Variants in MARCHF1 observed in about 807,000 individuals in gnomAD.
MARCHF1 encodes the protein membrane associated ring-CH-type finger 1.
In MARCHF1, 40 loss-of-function variants were observed where a neutral mutation model predicts 54.2. The observed-to-expected ratio is 0.74, with a 90% CI of 0.57 to 0.96. The LOEUF (loss-of-function observed/expected upper bound fraction) is 0.96, where lower values mean the gene tolerates loss of function less well. MARCHF1 is among the 40% of genes least tolerant of loss of function. MARCHF1 has a pLI of 0.00. For synonymous variants in MARCHF1, 236 were observed against 236.3 expected, an observed-to-expected ratio of 1.00 and a Z score of 0.01; for missense variants, 586 against 656.5, an observed-to-expected ratio of 0.89 and a Z score of 1.17.
At chr4:164,063,067 C>T (rs1230286520) in intron 2 of MARCHF1, among the ~76,000 whole-genome samples, 1 of 152,186 alleles carries the variant, frequency 6.6e-6, no homozygotes, top group African/African-American at 2.4e-5. Flanking sequence ...GTAACCCAGG[C>T]TGCAAACAGA....
chr4:163,832,923 T>C (rs1749072656), intron 4 of MARCHF1, among the ~76,000 whole-genome samples: 2 of 152,110 alleles, frequency 1.3e-5, no homozygotes, highest in African/African-American at 2.4e-5. Flanking sequence ...CATGAATTCA[T>C]CATTTTTTAA....
intron 1 of MARCHF1, among the ~76,000 whole-genome samples, chr4:164,117,260 A>C (rs925082270): frequency 2.0e-5 from 3 of 152,084 alleles, no homozygotes; most frequent in Non-Finnish European, 4.4e-5. Flanking sequence ...GCAGTCTCAA[A>C]AAAATAAAAA....
chr4:164,226,097 T>G (rs775536825), intron 1 of MARCHF1, among the ~76,000 whole-genome samples: 1 of 151,984 alleles, frequency 6.6e-6, no homozygotes, highest in Non-Finnish European at 1.5e-5. Context: ...TCTCGTATTC[T>G]CCTTGGAGAA....
At chr4:164,099,260 G>A (rs758393440) in intron 2 of MARCHF1, among the ~76,000 whole-genome samples, 5 of 152,112 alleles carry the variant, frequency 3.3e-5, no homozygotes, top group East Asian at 3.8e-4. Context: ...ATGTACAATC[G>A]TGCTACCATG....
At chr4:163,791,831 G>A (rs1226427073) in intron 4 of MARCHF1, among the ~76,000 whole-genome samples, 2 of 151,884 alleles carry the variant, frequency 1.3e-5, no homozygotes, top group South Asian at 2.1e-4. Flanking sequence ...CCTAAACTTC[G>A]GGTAAGCATT....
chr4:163,633,293 A>T (rs1015294001), intron 5 of MARCHF1, among the ~76,000 whole-genome samples: 1 of 152,058 alleles, frequency 6.6e-6, no homozygotes, highest in Non-Finnish European at 1.5e-5. Context: ...CGATCAAATT[A>T]CTCTGAGCTA....
chr4:163,791,235 A>T (rs974464229), intron 4 of MARCHF1, among the ~76,000 whole-genome samples: 1 of 152,146 alleles, frequency 6.6e-6, no homozygotes, highest in African/African-American at 2.4e-5. Flanking sequence ...GTATGTGGAC[A>T]TATAGCCATC....
chr4:164,245,224 A>T (rs1560971624), intron 1 of MARCHF1, among the ~76,000 whole-genome samples: 1 of 152,210 alleles, frequency 6.6e-6, no homozygotes, highest in South Asian at 2.1e-4. Flanking sequence ...ATACTGGCAA[A>T]ATGAATCCAG....
intron 1 of MARCHF1, among the ~76,000 whole-genome samples, chr4:164,220,946 T>C (rs1038226097): frequency 6.6e-6 from 1 of 151,748 alleles, no homozygotes; most frequent in African/African-American, 2.4e-5. Context: ...TAAGCAAAAA[T>C]GCCTCAAATC....
intron 2 of MARCHF1, among the ~76,000 whole-genome samples, chr4:164,033,974 T>C (rs1420979332): frequency 5.3e-5 from 8 of 152,064 alleles, no homozygotes; most frequent in Non-Finnish European, 1.0e-4. Flanking sequence ...TACATGCATG[T>C]ATACGTTTTC....
rs147241169 is a variant in MARCHF1, at chr4:163,823,526, G to A, written c.111+30495C>T. ...ATTAGAGATTTAAAAGAACTATTAC[G>A]TATAATTTGACAAGAAAAACAATTT... On this transcript the variant is annotated intron_variant, in intron 4 of 9. Transcript: ENST00000514618. Among the ~76,000 whole-genome samples the A allele has an allele frequency of 2.5e-3, 378 of 151,770 alleles. 1 individual carries two copies. The highest frequency in any genetic ancestry group is 8.3e-3 in the African/African-American group (343 of 41,482).
At chr4:164,224,777 T>C (rs910413657) in intron 1 of MARCHF1, among the ~76,000 whole-genome samples, 2 of 152,090 alleles carry the variant, frequency 1.3e-5, no homozygotes, top group Non-Finnish European at 2.9e-5. Flanking sequence ...AAATATCATA[T>C]TAACTTTAGA....
At chr4:163,771,151 T>C (rs2110868566) in intron 4 of MARCHF1, among the ~76,000 whole-genome samples, 1 of 152,312 alleles carries the variant, frequency 6.6e-6, no homozygotes, top group South Asian at 2.1e-4. Context: ...TATCCTTGAA[T>C]TTAAGAGTAG....
At chr4:164,223,273 A>G (rs1293627519) in intron 1 of MARCHF1, among the ~76,000 whole-genome samples, 8 of 152,072 alleles carry the variant, frequency 5.3e-5, no homozygotes, top group Admixed American at 5.3e-4. Context: ...AGAAACTTAA[A>G]CTGACAGCAA....
chr4:163,644,547 A>G (rs1690788880), intron 5 of MARCHF1, among the ~76,000 whole-genome samples: 1 of 152,138 alleles, frequency 6.6e-6, no homozygotes, highest in South Asian at 2.1e-4. Context: ...CCTTGGTCCC[A>G]CAGCAGATCC....
chr4:164,000,275 T>C (rs1301266208), intron 2 of MARCHF1, among the ~76,000 whole-genome samples: 1 of 151,604 alleles, frequency 6.6e-6, no homozygotes. Context: ...AAATGAAACA[T>C]AGATATGCTA....
At chr4:164,011,006 T>C (rs1753408703) in intron 2 of MARCHF1, among the ~76,000 whole-genome samples, 2 of 152,090 alleles carry the variant, frequency 1.3e-5, no homozygotes, top group Admixed American at 6.6e-5. Flanking sequence ...AAATATGCAA[T>C]GGTGAAAGCA....
intron 1 of MARCHF1, among the ~76,000 whole-genome samples, chr4:164,331,103 T>C (rs1288204500): frequency 6.6e-6 from 1 of 152,168 alleles, no homozygotes; most frequent in Non-Finnish European, 1.5e-5. Flanking sequence ...TTTATATCAT[T>C]AGTCAATATT....
chr4:163,549,698 C>G (rs114624786), intron 8 of MARCHF1, among the ~76,000 whole-genome samples: 1 of 127,330 alleles, frequency 7.9e-6, no homozygotes, highest in Admixed American at 8.4e-5. Context: ...TTTTTTTTTG[C>G]AGAAGCCACT....
Sources: allele counts gnomAD v4.1 joint callset (sites outside exome capture counted in the v4.1 genomes callset), GRCh38; gene constraint gnomAD v4.1.1; transcripts MANE v1.5; gene names NCBI Gene and HGNC (gene_info 2026-07-23, HGNC 2026-07-21).